The following DMD variants were observed in gnomAD, a reference collection of about 807,000 sequenced individuals.
DMD encodes the protein dystrophin.
In DMD, 63 loss-of-function variants were observed where a neutral mutation model predicts 330.1. The ratio of observed to expected loss-of-function variants is 0.19; its 90% confidence interval spans 0.16 to 0.24. DMD has a LOEUF of 0.24. DMD is among the 10% of genes least tolerant of loss of function. The pLI is 1.00. For missense variants in DMD, 3,344 were observed against 2,684.1 expected (o/e 1.25, Z -5.43); for synonymous variants, 1,223 against 959.8 (o/e 1.27, Z -5.07).
At chrX:32,993,223 A>G (rs988686601) in intron 2 of DMD, among the ~76,000 whole-genome samples, 3 of 112,343 alleles carry the variant, frequency 2.7e-5, no homozygotes. Flanking sequence ...TGAGCAAGTC[A>G]TTTAGACAAA....
chrX:31,563,485 G>A (rs1381728711), intron 55 of DMD, among the ~76,000 whole-genome samples: 2 of 112,004 alleles, frequency 1.8e-5, no homozygotes, highest in Admixed American at 1.9e-4. Context: ...TATTGGATAA[G>A]GCAAGCCCCC....
At chrX:31,202,419 C>T (rs1170673612) in intron 67 of DMD, among the ~76,000 whole-genome samples, 1 of 111,796 alleles carries the variant, frequency 8.9e-6, no homozygotes, top group African/African-American at 3.3e-5. Context: ...ATATTTATTT[C>T]TCCACATGCA....
intron 4 of DMD, among the ~76,000 whole-genome samples, chrX:32,843,171 T>C (rs2080327090): frequency 8.9e-6 from 1 of 112,178 alleles, no homozygotes; most frequent in Non-Finnish European, 1.9e-5. Flanking sequence ...TTTTTTTAAA[T>C]GACATTTTCT....
At chrX:32,719,996 ACAC>A (rs962831874) in intron 7 of DMD, among the ~76,000 whole-genome samples, 6 of 110,081 alleles carry the variant, frequency 5.5e-5, no homozygotes, top group African/African-American at 2.0e-4. Context: ...ATACACACAC[ACAC>A]GTTTTAATAT....
At chrX:33,286,608 C>G (rs1056655689) in intron 1 of DMD, among the ~76,000 whole-genome samples, 2 of 112,199 alleles carry the variant, frequency 1.8e-5, no homozygotes, top group Admixed American at 1.9e-4. Flanking sequence ...CACATACATT[C>G]CTATATCCAT....
At chrX:32,164,192 G>A (rs1212009135) in intron 44 of DMD, among the ~76,000 whole-genome samples, 2 of 111,590 alleles carry the variant, frequency 1.8e-5, no homozygotes, top group Non-Finnish European at 3.8e-5. Flanking sequence ...CTGAGGTAGT[G>A]AGGTACTGCT....
intron 62 of DMD, among the ~76,000 whole-genome samples, chrX:31,280,430 C>A (rs747917330): frequency 9.0e-6 from 1 of 110,703 alleles, no homozygotes; most frequent in East Asian, 2.8e-4. Flanking sequence ...TCAGTGGTTG[C>A]CTAGAATCAG....
At chrX:32,751,699 G>A (rs2070836275) in intron 7 of DMD, among the ~76,000 whole-genome samples, 1 of 112,308 alleles carries the variant, frequency 8.9e-6, no homozygotes, top group Non-Finnish European at 1.9e-5. Context: ...TGTCTCCAGG[G>A]CACGTCAGAG....
chrX:33,099,984 C>T (rs2095220993), intron 1 of DMD, among the ~76,000 whole-genome samples: 1 of 111,833 alleles, frequency 8.9e-6, no homozygotes, highest in African/African-American at 3.2e-5. Context: ...TACATAATAG[C>T]TCTAACGTAA....
chrX:31,678,731 T>C (rs890648478), intron 53 of DMD, among the ~76,000 whole-genome samples: 2 of 111,357 alleles, frequency 1.8e-5, no homozygotes, highest in African/African-American at 6.5e-5. Context: ...AAATAAGATA[T>C]GAAAGAGTAG....
intron 43 of DMD, among the ~76,000 whole-genome samples, chrX:32,260,737 C>T (rs1049148991): frequency 1.1e-5 from 1 of 94,588 alleles, no homozygotes; most frequent in Non-Finnish European, 2.4e-5. Context: ...ATACATTATC[C>T]CTCCAGTAAG....
At chrX:32,290,766 A>G (rs1194824228) in intron 42 of DMD, among the ~76,000 whole-genome samples, 1 of 111,768 alleles carries the variant, frequency 8.9e-6, no homozygotes, top group Admixed American at 9.6e-5. Flanking sequence ...AGAAGTTTTA[A>G]GTAGGTTTTA....
chrX:31,348,626 G>A lies in DMD; in HGVS notation c.9093C>T (p.Val3031=), dbSNP rs72466563. ...CATGCAGCTGCCTGACTCGGTCCTCGACGGCCACCTGGGAGGAAAAGGAGA... is the reference window on the plus strand; with the variant it reads ...CATGCAGCTGCCTGACTCGGTCCTCAACGGCCACCTGGGAGGAAAAGGAGA... The part of the protein sequence containing the change: ...NTRWKLLQVA[V]EDRVRQLHEA... The change falls in exon 61 of 79, where the codon GTC becomes GTT. Residue 3031 remains valine, a synonymous_variant. Transcript: ENST00000357033. The A allele has an allele frequency of 7.5e-5, 91 of 1,207,008 alleles. No homozygotes were observed. The highest frequency in any genetic ancestry group is 9.1e-5 in the Non-Finnish European group (81 of 893,100).
At chrX:32,385,484 C>A (rs1322118127) in intron 33 of DMD, among the ~76,000 whole-genome samples, 2 of 110,405 alleles carry the variant, frequency 1.8e-5, no homozygotes, top group African/African-American at 6.6e-5. Context: ...TTGTTCTGGG[C>A]AAACATTTTT....
intron 7 of DMD, among the ~76,000 whole-genome samples, chrX:32,765,462 G>A (rs1379762862): frequency 9.0e-6 from 1 of 111,118 alleles, no homozygotes. Context: ...CCGAGCAGAT[G>A]CCAGCATCAT....
At chrX:32,652,223 T>A (rs1199542067) in intron 9 of DMD, among the ~76,000 whole-genome samples, 1 of 109,814 alleles carries the variant, frequency 9.1e-6, no homozygotes, top group Admixed American at 9.7e-5. Context: ...GCCATGATGG[T>A]GTGCTACACC....
At position 33,026,313 on chromosome X, in the gene DMD, C is replaced by CAAAAA. The variant is rs56794668; in HGVS notation, c.32-6118_32-6114dup. 3.7e-3 allele frequency among the ~76,000 whole-genome samples: 120 copies of CAAAAA among 32,789 alleles called. 10 individuals carry two copies. The highest frequency in any genetic ancestry group is 4.7e-3 in the Non-Finnish European group (89 of 18,871). The allele number at this position is 32,789 out of a possible 115,157, so 28.5% of individuals were successfully genotyped here. ...CTGGGGGACAGAGGAGACTCCGTCT[C>CAAAAA]AAAAAAAAAAAAAAAAAAAAAAAAA... On this transcript the variant is annotated intron_variant, in intron 1 of 78. Transcript: ENST00000357033.
At chrX:31,620,878 T>C (rs1262463458) in intron 55 of DMD, among the ~76,000 whole-genome samples, 1 of 111,931 alleles carries the variant, frequency 8.9e-6, no homozygotes, top group Non-Finnish European at 1.9e-5. Context: ...CATTTAGATA[T>C]ATTTCTGAGT....
At chrX:32,131,351 A>G (rs1331461459) in intron 44 of DMD, among the ~76,000 whole-genome samples, 1 of 112,256 alleles carries the variant, frequency 8.9e-6, no homozygotes, top group Non-Finnish European at 1.9e-5. Flanking sequence ...TGGATAGGTG[A>G]TTGAACAAAC....
Sources: allele counts gnomAD v4.1 joint callset (sites outside exome capture counted in the v4.1 genomes callset), GRCh38; gene constraint gnomAD v4.1.1; transcripts MANE v1.5; gene names NCBI Gene and HGNC (gene_info 2026-07-23, HGNC 2026-07-21).